The following MAPK1IP1L variants were observed in gnomAD, a reference collection of about 807,000 sequenced individuals.
The protein encoded by MAPK1IP1L is MAPK-interacting and spindle-stabilizing protein-like.
In MAPK1IP1L, 10 loss-of-function variants were observed where a neutral mutation model predicts 18.1. The observed-to-expected ratio is 0.55, with a 90% CI of 0.34 to 0.94. The LOEUF is 0.94. MAPK1IP1L is among the 40% of genes least tolerant of loss of function. MAPK1IP1L has a pLI of 0.02. For synonymous variants in MAPK1IP1L, 115 were observed against 117.3 expected, an observed-to-expected ratio of 0.98 and a Z score of 0.13; for missense variants, 260 against 318.2, an observed-to-expected ratio of 0.82 and a Z score of 1.39.
At position 55,063,331 on chromosome 14, in the gene MAPK1IP1L, T is replaced by G; in HGVS notation, c.726+6T>G. 1 of 1,589,608 alleles carries G rather than the reference T, an allele frequency of 6.3e-7. No individual in the cohort carries two copies. Among genetic ancestry groups the G allele is most frequent in the African/African-American group, 1.3e-5 (1 of 74,350 alleles). ...CAATGCCTGGTGGCCCCCATGTGAG[T>G]GTTCAATTTGTTATTTAAAGTGTAC... is the stretch of plus-strand genomic sequence containing the variant. On this transcript the variant is annotated splice_donor_region_variant and intron_variant, in intron 3 of 3. Coordinates refer to ENST00000395468, the MANE Select transcript of MAPK1IP1L (RefSeq NM_144578.4).
chr14:55,054,287 G>A (rs1301851737), intron 1 of MAPK1IP1L, among the ~76,000 whole-genome samples: 1 of 150,806 alleles, frequency 6.6e-6, no homozygotes, highest in Non-Finnish European at 1.5e-5. Flanking sequence ...GGGATTACAG[G>A]TGCCTTCCAC....
intron 1 of MAPK1IP1L, among the ~76,000 whole-genome samples, 184 bp downstream of exon 1, chr14:55,051,987 C>T (rs564780831): frequency 6.6e-6 from 1 of 152,166 alleles, no homozygotes; most frequent in Non-Finnish European, 1.5e-5. Context: ...GGTCGCCTTC[C>T]TCCACGCTGC....
chr14:55,051,937 C>T (rs2042731928), intron 1 of MAPK1IP1L, 134 bp downstream of exon 1: 3 of 372,748 alleles, frequency 8.0e-6, no homozygotes, highest in Non-Finnish European at 1.6e-5. Context: ...GTGCTCGGGC[C>T]GTGGTCGCCT....
In MAPK1IP1L at chr14:55,068,248, C is replaced by T. The variant is rs1355195904; in HGVS notation, c.*3621C>T. On this transcript the variant is annotated 3_prime_UTR_variant, in exon 4 of 4. Coordinates refer to ENST00000395468, the MANE Select transcript of MAPK1IP1L (RefSeq NM_144578.4). ...GGGCAGAGAAAAGTATATATTTTGC[C>T]TCAGTCAGTCCCACCACCACAATGG... 6.6e-6 allele frequency: 1 copy of T among 152,562 alleles called. No individual in the cohort carries two copies. The highest frequency in any genetic ancestry group is 1.9e-4 in the East Asian group (1 of 5,204). 9.5% of individuals were successfully genotyped at this position (152,562 alleles called of 1,614,324 possible). A position where few individuals can be genotyped will look rare whatever the true frequency, so the allele number is the denominator to read the frequency against.
At chr14:55,063,771 T>C (rs1274707975) in intron 3 of MAPK1IP1L, 2 of 155,984 alleles carry the variant, frequency 1.3e-5, no homozygotes, top group Non-Finnish European at 2.8e-5. Context: ...AATGTTCATC[T>C]TTCAAGCAGT....
intron 3 of MAPK1IP1L, among the ~76,000 whole-genome samples, 189 bp downstream of exon 3, chr14:55,063,514 A>G (rs1357018010): frequency 2.0e-5 from 3 of 152,078 alleles, no homozygotes; most frequent in East Asian, 1.9e-4. Context: ...TGTTTTAAGT[A>G]TTCCTTGTGC....
intron 3 of MAPK1IP1L, 30 bp from the exon 4 acceptor site, chr14:55,064,586 G>T: frequency 6.2e-7 from 1 of 1,609,642 alleles, no homozygotes. Context: ...GCAAAATCTA[G>T]AAGTTGACTT....
Position 55,051,647 on chromosome 14 carries a change from G to C in MAPK1IP1L, c.-161G>C, listed in dbSNP as rs547972182. On this transcript the variant is annotated 5_prime_UTR_variant, in exon 1 of 4. Transcript: ENST00000395468. Reference sequence around the variant, plus strand: ...AACGGGCGGAGGCGGTGCGCTCGGCGCTTCCTGTTCCGGCGCCAGGAGGAG... The same window carrying C: ...AACGGGCGGAGGCGGTGCGCTCGGCCCTTCCTGTTCCGGCGCCAGGAGGAG... 24 of 510,000 alleles carry C rather than the reference G, an allele frequency of 4.7e-5. No homozygotes were observed. The highest frequency in any genetic ancestry group is 3.4e-4 in the South Asian group (24 of 70,944). The allele number at this position is 510,000 out of a possible 1,614,324, so 31.6% of individuals were successfully genotyped here.
rs554123870 is a variant in MAPK1IP1L at position 55,064,980 on chromosome 14, T to C, written c.*353T>C. Reference sequence around the variant, plus strand: ...ATTATTGTTAGAATCTGCAACTTCATTGGCAAATTATTTCAAGTATTTTTC... The same window carrying C: ...ATTATTGTTAGAATCTGCAACTTCACTGGCAAATTATTTCAAGTATTTTTC... On this transcript the variant is annotated 3_prime_UTR_variant, in exon 4 of 4. Coordinates refer to ENST00000395468, the MANE Select transcript of MAPK1IP1L (RefSeq NM_144578.4). 1.3e-4 allele frequency: 26 copies of C among 194,640 alleles called. No individual in the cohort carries two copies. The South Asian group carries it at 3.7e-3, about 28-fold the overall frequency. The allele number at this position is 194,640 out of a possible 1,614,324, so 12.1% of individuals were successfully genotyped here.
At position 55,051,709 on chromosome 14, in the gene MAPK1IP1L, G is replaced by C; in HGVS notation, c.-99G>C. ...TGGTGCTGTTGCCGCCGCTGCTCTA[G>C]CTGCCGTCAGTCAGGCTGCGCCCGC... On this transcript the variant is annotated 5_prime_UTR_variant, in exon 1 of 4. Coordinates refer to ENST00000395468, the MANE Select transcript of MAPK1IP1L (RefSeq NM_144578.4). The C allele has an allele frequency of 3.9e-6, 2 of 516,400 alleles. No homozygotes were observed. The highest frequency in any genetic ancestry group is 3.9e-6 in the Non-Finnish European group (1 of 259,554). 32.0% of individuals were successfully genotyped at this position (516,400 alleles called of 1,614,324 possible). A position where few individuals can be genotyped will look rare whatever the true frequency, so the allele number is the denominator to read the frequency against.
chr14:55,069,237 G>C lies in MAPK1IP1L; in HGVS notation c.*4610G>C, dbSNP rs1238060545. On this transcript the variant is annotated 3_prime_UTR_variant, in exon 4 of 4. Transcript: ENST00000395468. ...GTTGTAATTTTCTTCTTGAAATTGT[G>C]ATTTTTCACTGACAGTAATGACAAA... 3 of 152,504 alleles carry C rather than the reference G, an allele frequency of 2.0e-5. No homozygotes were observed. The highest frequency in any genetic ancestry group is 6.6e-5 in the Admixed American group (1 of 15,258). 9.4% of individuals were successfully genotyped at this position (152,504 alleles called of 1,614,324 possible). A position where few individuals can be genotyped will look rare whatever the true frequency, so the allele number is the denominator to read the frequency against.
At chr14:55,052,676 C>T (rs1231407624) in intron 1 of MAPK1IP1L, among the ~76,000 whole-genome samples, 1 of 152,178 alleles carries the variant, frequency 6.6e-6, no homozygotes, top group African/African-American at 2.4e-5. Flanking sequence ...TCATTACAGG[C>T]AAAGGTAGCC....
Position 55,062,854 on chromosome 14 carries a change from A to G in MAPK1IP1L, c.255A>G (p.Pro85=), listed in dbSNP as rs140511390. 4.3e-6 allele frequency: 7 copies of G among 1,613,690 alleles called. No homozygotes were observed. The highest frequency in any genetic ancestry group is 5.9e-6 in the Non-Finnish European group (7 of 1,179,898). ...VPPTGPPPGP[P]APFPPSGPSC... is the part of the protein sequence containing the mutation. ...CCACCGGACCACCTCCAGGACCCCCAGCACCCTTTCCTCCTTCCGGACCAT... is the reference window on the plus strand; with the variant it reads ...CCACCGGACCACCTCCAGGACCCCCGGCACCCTTTCCTCCTTCCGGACCAT... The change falls in exon 3 of 4, where the codon CCA becomes CCG. Residue 85 remains proline, a synonymous_variant. Transcript: ENST00000395468.
chr14:55,059,451 G>A (rs1271584113), intron 1 of MAPK1IP1L, among the ~76,000 whole-genome samples: 2 of 152,060 alleles, frequency 1.3e-5, no homozygotes, highest in Non-Finnish European at 2.9e-5. Flanking sequence ...GGGCAACATG[G>A]TGAAACTCCA....
At chr14:55,061,807 C>G in intron 2 of MAPK1IP1L, 106 bp downstream of exon 2, 2 of 916,002 alleles carry the variant, frequency 2.2e-6, no homozygotes, top group Non-Finnish European at 3.2e-6. Context: ...ATGCTTTAAC[C>G]AGGCATGGTG....
Position 55,065,669 on chromosome 14 carries a change from A to G in MAPK1IP1L, c.*1042A>G, listed in dbSNP as rs1594628105. On this transcript the variant is annotated 3_prime_UTR_variant, in exon 4 of 4. Coordinates refer to ENST00000395468, the MANE Select transcript of MAPK1IP1L (RefSeq NM_144578.4). ...AACATAAAACAGTTGTGTTTAGGGA[A>G]CCTTAAGTCATGCAGACATGACTGT... 1 of 152,266 alleles carries G rather than the reference A, an allele frequency of 6.6e-6. No homozygotes were observed. The highest frequency in any genetic ancestry group is 1.9e-4 in the East Asian group (1 of 5,184). The allele number at this position is 152,266 out of a possible 1,614,324, so 9.4% of individuals were successfully genotyped here.
chr14:55,069,258 A>G lies in MAPK1IP1L; in HGVS notation c.*4631A>G, dbSNP rs1387895196. ...TTGTGATTTTTCACTGACAGTAATG[A>G]CAAATTTAATGTATGTAATTGTCTA... On this transcript the variant is annotated 3_prime_UTR_variant, in exon 4 of 4. Coordinates refer to ENST00000395468, the MANE Select transcript of MAPK1IP1L (RefSeq NM_144578.4). 2 of 152,622 alleles carry G rather than the reference A, an allele frequency of 1.3e-5. No homozygotes were observed. The highest frequency in any genetic ancestry group is 4.8e-5 in the African/African-American group (2 of 41,460). 9.5% of individuals were successfully genotyped at this position (152,622 alleles called of 1,614,324 possible).
At position 55,068,794 on chromosome 14, in the gene MAPK1IP1L, T is replaced by A. The variant is rs2140265222; in HGVS notation, c.*4167T>A. On this transcript the variant is annotated 3_prime_UTR_variant, in exon 4 of 4. Coordinates refer to ENST00000395468, the MANE Select transcript of MAPK1IP1L (RefSeq NM_144578.4). ...CAAGCTTCTGGCTGTCGAAAACATCTGAGTCATTTATTCAGTAGACAATAT... is the reference window on the plus strand; with the variant it reads ...CAAGCTTCTGGCTGTCGAAAACATCAGAGTCATTTATTCAGTAGACAATAT... 1 of 152,352 alleles carries A rather than the reference T, an allele frequency of 6.6e-6. No homozygotes were observed. Among genetic ancestry groups the A allele is most frequent in the Middle Eastern group, 3.4e-3 (1 of 294 alleles). 9.4% of individuals were successfully genotyped at this position (152,352 alleles called of 1,614,324 possible). A position where few individuals can be genotyped will look rare whatever the true frequency, so the allele number is the denominator to read the frequency against.
chr14:55,061,087 T>C (rs1327944546), intron 1 of MAPK1IP1L, among the ~76,000 whole-genome samples: 1 of 152,100 alleles, frequency 6.6e-6, no homozygotes, highest in Non-Finnish European at 1.5e-5. Flanking sequence ...GAGGTCAAGA[T>C]TGCAGTGAGC....
Sources: allele counts gnomAD v4.1 joint callset (sites outside exome capture counted in the v4.1 genomes callset), GRCh38; gene constraint gnomAD v4.1.1; transcripts MANE v1.5; gene names NCBI Gene and HGNC (gene_info 2026-07-23, HGNC 2026-07-21).